The following ASB4 variants were observed in gnomAD, a reference collection of about 807,000 sequenced individuals.
ASB4 encodes the protein ankyrin repeat and SOCS box protein 4.
A neutral mutation model predicts 38.6 loss-of-function variants in ASB4; 35 were observed. The ratio of observed to expected loss-of-function variants is 0.91; its 90% CI spans 0.69 to 1.20. The LOEUF is 1.20. ASB4 is among the 50% of genes most tolerant of loss of function. The pLI is 0.00. For missense variants in ASB4, 557 were observed against 527.2 expected (o/e 1.06, Z -0.55); for synonymous variants, 195 against 201.3 (o/e 0.97, Z 0.26).
intron 2 of ASB4, among the ~76,000 whole-genome samples, chr7:95,527,035 C>T (rs1036025317): frequency 9.2e-5 from 14 of 152,228 alleles, no homozygotes; most frequent in Admixed American, 7.8e-4. Context: ...CTATTTCTAA[C>T]ATCCTTTGTC....
chr7:95,493,392 ATG>A (rs901517397), intron 1 of ASB4, among the ~76,000 whole-genome samples: 4 of 38,274 alleles, frequency 1.0e-4, no homozygotes, highest in Non-Finnish European at 1.8e-4. Context: ...GTGTGTGTGT[ATG>A]TGTGTGTGTG....
At chr7:95,487,999 G>A (rs539837556) in intron 1 of ASB4, among the ~76,000 whole-genome samples, 3 of 152,276 alleles carry the variant, frequency 2.0e-5, no homozygotes, top group Non-Finnish European at 2.9e-5. Context: ...ATGGGCACAA[G>A]GACCTGTCTC....
At chr7:95,475,530 C>T (rs779324407), upstream of ASB4, among the ~76,000 whole-genome samples, 4 of 151,952 alleles carry the variant, frequency 2.6e-5, no homozygotes, top group Non-Finnish European at 2.9e-5. Flanking sequence ...ACTACAGGTG[C>T]GTGCCACCAC....
At chr7:95,484,864 A>G (rs1300506080), upstream of ASB4, among the ~76,000 whole-genome samples, 1 of 151,916 alleles carries the variant, frequency 6.6e-6, no homozygotes, top group Non-Finnish European at 1.5e-5. Context: ...TGAAAGAATA[A>G]TGTAATGGAT....
At position 95,538,643 on chromosome 7, in the gene ASB4, G is replaced by C. The variant is rs1203657359; in HGVS notation, c.*884G>C. 2 of 152,158 alleles carry C rather than the reference G, an allele frequency of 1.3e-5. No individual in the cohort carries two copies. Among genetic ancestry groups the C allele is most frequent in the South Asian group, 4.1e-4 (2 of 4,828 alleles). The allele number at this position is 152,158 out of a possible 1,614,324, so 9.4% of individuals were successfully genotyped here. A position where few individuals can be genotyped will look rare whatever the true frequency, so the allele number is the denominator to read the frequency against. On this transcript the variant is annotated 3_prime_UTR_variant, in exon 5 of 5. Transcript: ENST00000325885. ...TAAAGTAGAGGGATCTCCTGCTCTT[G>C]TTAGGGTATTTTTAAGGTTTTTTCT...
At chr7:95,474,804 G>A (rs994647075), upstream of ASB4, among the ~76,000 whole-genome samples, 19 of 152,138 alleles carry the variant, frequency 1.2e-4, no homozygotes, top group South Asian at 4.1e-4. Flanking sequence ...ATTATGGCAT[G>A]AGCCACCATG....
At chr7:95,522,751 G>C (rs1265734397) in intron 2 of ASB4, among the ~76,000 whole-genome samples, 2 of 152,162 alleles carry the variant, frequency 1.3e-5, no homozygotes, top group African/African-American at 4.8e-5. Flanking sequence ...TATCTGTCCT[G>C]TTCATCCCAT....
the ASB4 span, among the ~76,000 whole-genome samples, chr7:95,549,063 T>C: frequency 1.3e-5 from 2 of 152,118 alleles, no homozygotes; most frequent in Admixed American, 1.3e-4. Flanking sequence ...CTGTTTCTTA[T>C]GACAAAATTA....
chr7:95,535,933 T>A (rs1482774678), intron 3 of ASB4, among the ~76,000 whole-genome samples: 2 of 152,232 alleles, frequency 1.3e-5, no homozygotes, highest in Admixed American at 1.3e-4. Flanking sequence ...AATTTTTTGA[T>A]AAAATGTTCT....
chr7:95,488,719 T>A (rs1790129333), intron 1 of ASB4, among the ~76,000 whole-genome samples: 1 of 152,208 alleles, frequency 6.6e-6, no homozygotes, highest in Non-Finnish European at 1.5e-5. Flanking sequence ...TTTAAAGCAC[T>A]TTTGAAAAGC....
In ASB4 at chr7:95,495,854, T is replaced by C. The variant is rs1790238698; in HGVS notation, c.284T>C (p.Leu95Pro). 6.2e-7 allele frequency: 1 copy of C among 1,614,044 alleles called. No homozygotes were observed. Among genetic ancestry groups the C allele is most frequent in the Non-Finnish European group, 8.5e-7 (1 of 1,180,004 alleles). The change falls in exon 2 of 5, where the codon CTG becomes CCG. Residue 95 changes from leucine (L) to proline (P), a missense_variant. Physicochemically the swap from Leu to Pro is moderately conservative, Grantham distance 98. Transcript: ENST00000325885. ...CATGTGGAATGTCTTCTGGTGCTACTGGACCACAATGCTACAATCAACTGT... is the reference window on the plus strand; with the variant it reads ...CATGTGGAATGTCTTCTGGTGCTACCGGACCACAATGCTACAATCAACTGT... ...FGHVECLLVL[L>P]DHNATINCRP...
chr7:95,496,242 C>A lies in ASB4; in HGVS notation c.487+185C>A, dbSNP rs1585798586. On this transcript the variant is annotated intron_variant, in intron 2 of 4. Coordinates refer to ENST00000325885, the MANE Select transcript of ASB4 (RefSeq NM_016116.3). ...AATTCAATGATGATCACATTAAAAT[C>A]TTATTATCTAATAGCAGGAAGTTCA... The A allele has an allele frequency of 9.5e-6, 5 of 526,506 alleles. No individual in the cohort carries two copies. The East Asian group carries it at 1.4e-4, about 15-fold the overall frequency. The allele number at this position is 526,506 out of a possible 1,614,324, so 32.6% of individuals were successfully genotyped here. A position where few individuals can be genotyped will look rare whatever the true frequency, so the allele number is the denominator to read the frequency against.
chr7:95,486,235 A>C, intron 1 of ASB4, 77 bp downstream of exon 1: 1 of 1,100,576 alleles, frequency 9.1e-7, no homozygotes, highest in South Asian at 1.8e-5. Context: ...TATCCACTCT[A>C]AACAGTAGTT....
upstream of ASB4, among the ~76,000 whole-genome samples, chr7:95,475,581 A>G (rs539609453): frequency 1.2e-3 from 187 of 152,080 alleles, no homozygotes; most frequent in African/African-American, 4.2e-3. Flanking sequence ...ATGGGGTTTC[A>G]CCATGTTGGC....
Position 95,515,213 on chromosome 7 carries a change from C to CTT in ASB4, c.488-12598_488-12597dup, listed in dbSNP as rs1385424220. Among the ~76,000 whole-genome samples, 7 of 123,016 alleles carry CTT rather than the reference C, an allele frequency of 5.7e-5. No homozygotes were observed. The South Asian group carries it at 1.3e-3, about 23-fold the overall frequency. The allele number at this position is 123,016 out of a possible 152,430, so 80.7% of individuals were successfully genotyped here. A position where few individuals can be genotyped will look rare whatever the true frequency, so the allele number is the denominator to read the frequency against. The stretch of plus-strand genomic sequence containing the variant: ...TCTTTCTTTCTTTCTTTCTTTCTTT[C>CTT]TTTCTTTCTTTCTTTCTTTTTCTTT... On this transcript the variant is annotated intron_variant, in intron 2 of 4. Coordinates refer to ENST00000325885, the MANE Select transcript of ASB4 (RefSeq NM_016116.3).
chr7:95,475,508 C>T (rs374582285), upstream of ASB4, among the ~76,000 whole-genome samples: 5 of 152,058 alleles, frequency 3.3e-5, no homozygotes, highest in African/African-American at 9.7e-5. Context: ...CTCAGCCTCC[C>T]GAGTAGCTGG....
intron 3 of ASB4, among the ~76,000 whole-genome samples, chr7:95,529,398 G>A (rs17774768): frequency 0.093 from 14,179 of 152,282 alleles, 719 homozygotes; most frequent in South Asian, 0.11. Flanking sequence ...CACAGCTTAA[G>A]TTCTACGTCT....
At chr7:95,497,575 A>T (rs1267709944) in intron 2 of ASB4, among the ~76,000 whole-genome samples, 1 of 152,200 alleles carries the variant, frequency 6.6e-6, no homozygotes, top group Non-Finnish European at 1.5e-5. Flanking sequence ...ATGGAGGTAT[A>T]ATTTTCACTC....
At chr7:95,507,134 T>TTTTG (rs1010765168) in intron 2 of ASB4, among the ~76,000 whole-genome samples, 1 of 152,106 alleles carries the variant, frequency 6.6e-6, no homozygotes, top group African/African-American at 2.4e-5. Flanking sequence ...CGTAGAGGTT[T>TTTTG]TTTGTTTGTT....
Sources: gnomAD v4.1 joint callset for allele counts (sites outside exome capture counted in the v4.1 genomes callset) on GRCh38, gnomAD v4.1.1 for gene constraint, MANE v1.5 for transcripts, NCBI Gene and HGNC (gene_info 2026-07-23, HGNC 2026-07-21) for gene names.